CTNNA3: variants seen among roughly 807,000 people sequenced by gnomAD.
CTNNA3 encodes the protein catenin alpha-3.
A neutral mutation model predicts 95.7 loss-of-function variants in CTNNA3; 76 were observed. That is an observed-to-expected ratio of 0.79 (90% CI 0.66 to 0.96). The LOEUF is 0.96. Ranked by LOEUF, CTNNA3 falls within the 40% of genes least tolerant of loss-of-function variation. The pLI, the probability that CTNNA3 is intolerant of heterozygous loss-of-function variation, is 0.00. For synonymous variants in CTNNA3, 431 were observed against 374.4 expected (o/e 1.15, Z -1.74); for missense variants, 1,191 against 1,089.8 (o/e 1.09, Z -1.31).
intron 13 of CTNNA3, among the ~76,000 whole-genome samples, chr10:66,131,345 AC>A (rs946338224): frequency 6.6e-6 from 1 of 152,176 alleles, no homozygotes; most frequent in African/African-American, 2.4e-5. Flanking sequence ...ATCCAGCAAC[AC>A]GTCAAAAAAC....
chr10:66,943,541 G>A, intron 7 of CTNNA3, among the ~76,000 whole-genome samples: 1 of 147,182 alleles, frequency 6.8e-6, no homozygotes, highest in Admixed American at 6.8e-5. Context: ...TTCAGTATTA[G>A]CATTGGCTTC....
intron 12 of CTNNA3, among the ~76,000 whole-genome samples, chr10:66,375,368 C>T (rs1260145054): frequency 6.6e-6 from 1 of 151,882 alleles, no homozygotes; most frequent in Non-Finnish European, 1.5e-5. Flanking sequence ...GAGACCATGG[C>T]CAAGGCTCAG....
intron 5 of CTNNA3, among the ~76,000 whole-genome samples, chr10:67,512,221 A>G (rs906504144): frequency 6.6e-6 from 1 of 152,248 alleles, no homozygotes; most frequent in Non-Finnish European, 1.5e-5. Context: ...AACAAAAGGT[A>G]ACAAGTGTTG....
At chr10:66,360,585 T>C (rs995291384) in intron 12 of CTNNA3, among the ~76,000 whole-genome samples, 13 of 141,322 alleles carry the variant, frequency 9.2e-5, no homozygotes, top group African/African-American at 2.7e-4. Context: ...TTACCTCTAA[T>C]GTATTCTTTC....
At chr10:66,557,052 T>C (rs1004720742) in intron 10 of CTNNA3, among the ~76,000 whole-genome samples, 1 of 152,060 alleles carries the variant, frequency 6.6e-6, no homozygotes, top group African/African-American at 2.4e-5. Context: ...TTTTTTTTCA[T>C]TTTCATAGTC....
intron 12 of CTNNA3, among the ~76,000 whole-genome samples, chr10:66,340,878 C>T (rs1564881225): frequency 1.3e-5 from 2 of 151,722 alleles, no homozygotes; most frequent in Admixed American, 6.6e-5. Flanking sequence ...CTCAGATCTG[C>T]AGACTCGATA....
chr10:67,435,812 A>G (rs1466283903), intron 5 of CTNNA3, among the ~76,000 whole-genome samples: 1 of 152,084 alleles, frequency 6.6e-6, no homozygotes, highest in Non-Finnish European at 1.5e-5. Context: ...CACTGCTGAA[A>G]GAAATCACAC....
chr10:66,654,764 C>A (rs1846020227), intron 9 of CTNNA3, among the ~76,000 whole-genome samples: 1 of 151,924 alleles, frequency 6.6e-6, no homozygotes, highest in African/African-American at 2.4e-5. Flanking sequence ...CAATAAAATA[C>A]CATTTGGTCT....
chr10:66,706,690 C>A (rs115557692), intron 9 of CTNNA3, among the ~76,000 whole-genome samples: 2,082 of 152,048 alleles, frequency 0.014, 59 homozygotes, highest in African/African-American at 0.044. Context: ...TAATCCTTTA[C>A]CCTAAAAATT....
chr10:67,251,842 A>C (rs538203603), intron 5 of CTNNA3, among the ~76,000 whole-genome samples: 103 of 152,302 alleles, frequency 6.8e-4, no homozygotes, highest in African/African-American at 2.3e-3. Context: ...ACGTAAACAC[A>C]GAGAGACATG....
At chr10:67,419,722 C>A (rs769188769) in intron 5 of CTNNA3, among the ~76,000 whole-genome samples, 33 of 152,320 alleles carry the variant, frequency 2.2e-4, no homozygotes, top group Non-Finnish European at 4.1e-4. Context: ...AACATACATG[C>A]CAATCTAGAT....
At chr10:67,268,045 A>G (rs1169111739) in intron 5 of CTNNA3, among the ~76,000 whole-genome samples, 1 of 152,152 alleles carries the variant, frequency 6.6e-6, no homozygotes. Context: ...GAAAATGAGT[A>G]ATCTGAAATA....
intron 11 of CTNNA3, among the ~76,000 whole-genome samples, chr10:66,461,514 G>C (rs2093528880): frequency 6.6e-6 from 1 of 151,958 alleles, no homozygotes; most frequent in South Asian, 2.1e-4. Context: ...GAGGACTCAA[G>C]TAGTTTCGGA....
At chr10:65,945,579 C>A (rs2077503609) in intron 17 of CTNNA3, among the ~76,000 whole-genome samples, 1 of 152,140 alleles carries the variant, frequency 6.6e-6, no homozygotes. Flanking sequence ...TAGAAATAGA[C>A]AGATTTCATC....
chr10:67,711,829 C>T lies in CTNNA3; in HGVS notation c.-2+51605G>A, dbSNP rs183267287. ...ATTCCCACCTATGAGTGAGAATATG[C>T]GGTGTTTGGTTTTTTGTTCTTGCGA... On this transcript the variant is annotated intron_variant, in intron 1 of 17. Coordinates refer to the CTNNA3 transcript ENST00000684154. Among the ~76,000 whole-genome samples, 91 of 147,390 alleles carry T rather than the reference C, an allele frequency of 6.2e-4. 2 individuals are homozygous for T. Among genetic ancestry groups the T allele is most frequent in the African/African-American group, 2.1e-3 (83 of 39,928 alleles).
chr10:66,750,493 T>C (rs1405780173), intron 9 of CTNNA3, among the ~76,000 whole-genome samples: 1 of 152,190 alleles, frequency 6.6e-6, no homozygotes, highest in Non-Finnish European at 1.5e-5. Context: ...TTGTAATGCT[T>C]TTGCTCCTTT....
chr10:66,615,463 G>A (rs1250070216), intron 10 of CTNNA3, among the ~76,000 whole-genome samples: 1 of 151,874 alleles, frequency 6.6e-6, no homozygotes, highest in Non-Finnish European at 1.5e-5. Flanking sequence ...AAAGAAGAAG[G>A]AGACACAGGA....
intron 13 of CTNNA3, among the ~76,000 whole-genome samples, chr10:66,255,259 T>A (rs1245291642): frequency 1.3e-5 from 2 of 152,018 alleles, no homozygotes; most frequent in Non-Finnish European, 2.9e-5. Context: ...CCAGATAGAG[T>A]GAGCAAAGGG....
chr10:66,838,314 A>G (rs1013595522), intron 7 of CTNNA3, among the ~76,000 whole-genome samples: 1 of 152,144 alleles, frequency 6.6e-6, no homozygotes, highest in Non-Finnish European at 1.5e-5. Context: ...TGATTCATGT[A>G]TAAACAATTT....
Sources: allele counts gnomAD v4.1 joint callset (sites outside exome capture counted in the v4.1 genomes callset), GRCh38; gene constraint gnomAD v4.1.1; transcripts MANE v1.5; gene names NCBI Gene and HGNC (gene_info 2026-07-23, HGNC 2026-07-21).